TEKTL1: variants seen among roughly 807,000 people sequenced by gnomAD.
The protein encoded by TEKTL1 is tektin like 1.
the TEKTL1 span, among the ~76,000 whole-genome samples, chr19:15,020,988 T>C: frequency 6.6e-6 from 1 of 151,810 alleles, no homozygotes; most frequent in Non-Finnish European, 1.5e-5. Context: ...CAAGTGATTC[T>C]CCTGCCTCGG....
the TEKTL1 span, chr19:15,021,625 A>G: frequency 6.2e-7 from 1 of 1,614,102 alleles, no homozygotes; most frequent in Non-Finnish European, 8.5e-7. Context: ...GGAAAGATTA[A>G]ATATGACGTT....
At chr19:15,012,911 C>G in the TEKTL1 span, among the ~76,000 whole-genome samples, 2 of 144,986 alleles carry the variant, frequency 1.4e-5, no homozygotes, top group African/African-American at 2.5e-5. Flanking sequence ...ATACCCTTGT[C>G]CCAACCCAGG....
chr19:15,011,409 C>T, the TEKTL1 span: 1 of 1,410,528 alleles, frequency 7.1e-7, no homozygotes, highest in African/African-American at 1.5e-5. Context: ...GGACCCTCCC[C>T]CACGCCCAAC....
At chr19:15,011,064 G>A in the TEKTL1 span, 6 of 1,577,044 alleles carry the variant, frequency 3.8e-6, no homozygotes, top group South Asian at 5.8e-5. Flanking sequence ...ATGATCAAAG[G>A]CGGCGGCACC....
At chr19:15,021,555 G>C in the TEKTL1 span, 1 of 1,613,496 alleles carries the variant, frequency 6.2e-7, no homozygotes, top group Non-Finnish European at 8.5e-7. Context: ...GCCAGGGTGG[G>C]ACAGGGGAGG....
chr19:15,013,861 G>A, the TEKTL1 span: 7 of 776,430 alleles, frequency 9.0e-6, no homozygotes, highest in Non-Finnish European at 1.5e-5. Context: ...CCTGGGGACT[G>A]TCACAATAGC....
the TEKTL1 span, chr19:15,013,787 C>T: frequency 2.5e-6 from 4 of 1,583,506 alleles, no homozygotes; most frequent in Non-Finnish European, 3.5e-6. Flanking sequence ...GTTAGGGGTG[C>T]CTGTGGACAA....
chr19:15,023,124 C>T, the TEKTL1 span: 1 of 1,578,228 alleles, frequency 6.3e-7, no homozygotes, highest in Admixed American at 1.8e-5. Context: ...CCCTAGTGAC[C>T]CCAGCGTCCC....
the TEKTL1 span, chr19:15,021,222 C>G: frequency 6.8e-4 from 819 of 1,212,836 alleles, 6 homozygotes; most frequent in East Asian, 0.014. Flanking sequence ...CCCGCGCCCC[C>G]TGGACTTTCA....
the TEKTL1 span, chr19:15,013,714 G>C: frequency 1.9e-6 from 3 of 1,613,876 alleles, no homozygotes; most frequent in African/African-American, 4.0e-5. Context: ...GGAGAAAGAG[G>C]AGCTGAAAAG....
At chr19:15,021,742 G>A in the TEKTL1 span, 2 of 1,612,384 alleles carry the variant, frequency 1.2e-6, no homozygotes, top group South Asian at 1.1e-5. Context: ...CTTCGGGGGT[G>A]GAGGCAGGGG....
chr19:15,016,185 C>CTTTTTTTTT, the TEKTL1 span, among the ~76,000 whole-genome samples: 25 of 66,752 alleles, frequency 3.7e-4, 1 homozygote, highest in African/African-American at 6.3e-4. Context: ...GACAGCTGTC[C>CTTTTTTTTT]TTTTTTTTTT....
At chr19:15,018,719 T>TATATATATATATATATATATATATATATA in the TEKTL1 span, among the ~76,000 whole-genome samples, 1 of 109,674 alleles carries the variant, frequency 9.1e-6, no homozygotes, top group African/African-American at 3.3e-5. Flanking sequence ...TCTCAAAATA[T>TATATATATATATATATATATATATATATA]GTATATATAT....
At chr19:15,016,730 G>C in the TEKTL1 span, among the ~76,000 whole-genome samples, 1 of 152,234 alleles carries the variant, frequency 6.6e-6, no homozygotes, top group Admixed American at 6.5e-5. Flanking sequence ...GGTACAGTTA[G>C]TAAATGCTTT....
At chr19:15,021,720 C>T in the TEKTL1 span, 3 of 1,613,652 alleles carry the variant, frequency 1.9e-6, no homozygotes, top group East Asian at 2.2e-5. Flanking sequence ...AGGTACGGTT[C>T]GGGGTGAGAG....
the TEKTL1 span, among the ~76,000 whole-genome samples, chr19:15,020,167 G>A: frequency 6.6e-6 from 1 of 151,306 alleles, no homozygotes. Flanking sequence ...AAATAGCAAG[G>A]CATGGTGCTT....
At chr19:15,022,797 C>G in the TEKTL1 span, 1 of 1,474,266 alleles carries the variant, frequency 6.8e-7, no homozygotes, top group East Asian at 2.5e-5. Context: ...ACACACACAC[C>G]TGGCGCAGGT....
the TEKTL1 span, chr19:15,011,177 C>T: frequency 1.3e-6 from 2 of 1,493,832 alleles, no homozygotes; most frequent in Admixed American, 2.5e-5. Flanking sequence ...CCGCAAAGCG[C>T]GCGCCCTGCA....
the TEKTL1 span, chr19:15,011,193 C>A: frequency 6.7e-7 from 1 of 1,482,128 alleles, no homozygotes; most frequent in Non-Finnish European, 8.9e-7. Context: ...CTGCAGACCA[C>A]CGAGGTGGTG....
Sources: gnomAD v4.1 joint callset for allele counts (sites outside exome capture counted in the v4.1 genomes callset) on GRCh38, gnomAD v4.1.1 for gene constraint, MANE v1.5 for transcripts, NCBI Gene and HGNC (gene_info 2026-07-23, HGNC 2026-07-21) for gene names.